Variants in LDHA observed in about 807,000 individuals in gnomAD.
LDHA encodes L-lactate dehydrogenase A chain.
LDHA carries 10 observed loss-of-function variants against 36.3 expected under a neutral mutation model. The observed-to-expected ratio is 0.28, with a 90% CI of 0.17 to 0.47. The LOEUF (loss-of-function observed/expected upper bound fraction) is 0.47, where lower values mean the gene tolerates loss of function less well. Among genes scored for constraint, LDHA ranks in the 20% least tolerant of loss-of-function variants. The pLI, the probability that LDHA is intolerant of heterozygous loss-of-function variation, is 0.99. For missense variants in LDHA, 267 were observed against 405.8 expected, an observed-to-expected ratio of 0.66 and a Z score of 2.94; for synonymous variants, 110 against 136.7, an observed-to-expected ratio of 0.80 and a Z score of 1.36.
At position 18,407,891 on chromosome 11, in the gene LDHA, C is replaced by T; in HGVS notation, c.*610C>T. On this transcript the variant is annotated 3_prime_UTR_variant, in exon 8 of 8. Coordinates refer to ENST00000422447, the MANE Select transcript of LDHA (RefSeq NM_005566.4). ...TATATTAAGATATAAAGTCATAAAG[C>T]TGCTAGTTATTATATTAATTTGGAA... The T allele has an allele frequency of 2.2e-6, 1 of 454,038 alleles. No individual in the cohort carries two copies. The highest frequency in any genetic ancestry group is 4.4e-6 in the Non-Finnish European group (1 of 226,808). 28.1% of individuals were successfully genotyped at this position (454,038 alleles called of 1,614,324 possible). A position where few individuals can be genotyped will look rare whatever the true frequency, so the allele number is the denominator to read the frequency against.
intron 7 of LDHA, among the ~76,000 whole-genome samples, chr11:18,406,312 A>G (rs941282478): frequency 6.7e-6 from 1 of 150,246 alleles, no homozygotes; most frequent in African/African-American, 2.4e-5. Context: ...ACAGTGACTG[A>G]CAGCTGTAAT....
chr11:18,400,888 G>A lies in LDHA; in HGVS notation c.296G>A (p.Arg99His), dbSNP rs1018955701. 20 of 1,613,304 alleles carry A rather than the reference G, an allele frequency of 1.2e-5. No individual in the cohort carries two copies. Among genetic ancestry groups the A allele is most frequent in the Non-Finnish European group, 1.4e-5 (17 of 1,179,660 alleles). The change falls in exon 4 of 8, where the codon CGT becomes CAT. Residue 99 changes from arginine to histidine, a missense_variant. Transcript: ENST00000422447. ...CTGGTCATTATCACGGCTGGGGCAC[G>A]TCAGCAAGAGGGAGAAAGCCGTCTT... ...SKLVIITAGA[R>H]QQEGESRLNL...
chr11:18,398,297 T>C (rs1378836258), intron 2 of LDHA, among the ~76,000 whole-genome samples: 1 of 152,188 alleles, frequency 6.6e-6, no homozygotes, highest in Non-Finnish European at 1.5e-5. Context: ...AACCTATTTA[T>C]CCATAACTGT....
chr11:18,405,339 C>T (rs752376318), intron 6 of LDHA, 110 bp from the exon 7 acceptor site: 39 of 1,089,836 alleles, frequency 3.6e-5, no homozygotes, highest in Non-Finnish European at 5.0e-5. Flanking sequence ...TGGTATAATG[C>T]AACATTGTGG....
In LDHA at chr11:18,396,856, A is replaced by G. The variant is rs771136276; in HGVS notation, c.14A>G (p.Lys5Arg). Residue 5 changes from lysine to arginine, a missense_variant, in exon 2 of 8, where the codon AAG (lysine) becomes AGG (arginine). Coordinates refer to ENST00000422447, the MANE Select transcript of LDHA (RefSeq NM_005566.4). ...TCCAAGTCCAATATGGCAACTCTAA[A>G]GGATCAGCTGATTTATAATCTTCTA... MATL[K>R]DQLIYNLLKE... The G allele has an allele frequency of 6.2e-7, 1 of 1,613,236 alleles. No individual in the cohort carries two copies. Among genetic ancestry groups the G allele is most frequent in the South Asian group, 1.1e-5 (1 of 90,946 alleles).
intron 1 of LDHA, 71 bp from the exon 2 acceptor site, chr11:18,396,748 G>A (rs967005422): frequency 6.9e-7 from 1 of 1,455,152 alleles, no homozygotes; most frequent in East Asian, 2.3e-5. Context: ...AAGTAAAATA[G>A]CTTAAAAAAA....
chr11:18,403,934 T>C, intron 6 of LDHA, 123 bp downstream of exon 6: 1 of 700,318 alleles, frequency 1.4e-6, no homozygotes, highest in Non-Finnish European at 2.5e-6. Context: ...GTGGTTTTTT[T>C]GTTTTGTTTT....
rs1019314698 is a variant in LDHA, at chr11:18,394,573, C to G, written c.-88C>G. Reference sequence around the variant, plus strand: ...CGCGCCCAGCTCAGAGTGCTGCAGCCGCTGCCGCCGATTCCGGATCTCATT... The same window carrying G: ...CGCGCCCAGCTCAGAGTGCTGCAGCGGCTGCCGCCGATTCCGGATCTCATT... On this transcript the variant is annotated 5_prime_UTR_variant, in exon 1 of 8. Transcript: ENST00000422447. The G allele has an allele frequency of 6.6e-6, 3 of 454,126 alleles. No individual in the cohort carries two copies. The Admixed American group carries it at 7.0e-5, about 11-fold the overall frequency. 28.1% of individuals were successfully genotyped at this position (454,126 alleles called of 1,614,324 possible).
chr11:18,396,999 A>C, intron 2 of LDHA, 31 bp downstream of exon 2: 1 of 1,609,684 alleles, frequency 6.2e-7, no homozygotes, highest in Non-Finnish European at 8.5e-7. Context: ...CTGGAAGCCC[A>C]TACCTTGACC....
At chr11:18,401,341 G>A (rs996840750) in intron 4 of LDHA, among the ~76,000 whole-genome samples, 4 of 150,804 alleles carry the variant, frequency 2.7e-5, no homozygotes, top group African/African-American at 9.7e-5. Flanking sequence ...AGTAGAGACA[G>A]GGTTTCACCA....
chr11:18,398,794 T>C (rs1866383363), intron 2 of LDHA: 1 of 157,820 alleles, frequency 6.3e-6, no homozygotes, highest in Non-Finnish European at 1.4e-5. Flanking sequence ...TTTGTATTTT[T>C]TAGTAGAGAC....
At chr11:18,406,913 G>C (rs927920223) in intron 7 of LDHA, among the ~76,000 whole-genome samples, 1 of 151,770 alleles carries the variant, frequency 6.6e-6, no homozygotes, top group African/African-American at 2.4e-5. Context: ...GGCTGAAGCA[G>C]GAGAATTACT....
In LDHA at chr11:18,405,444, T is replaced by C; in HGVS notation, c.711-5T>C. The C allele has an allele frequency of 6.2e-7, 1 of 1,613,006 alleles. No individual in the cohort carries two copies. The highest frequency in any genetic ancestry group is 8.5e-7 in the Non-Finnish European group (1 of 1,179,810). ...TGCCTTTACCTATGGTTTCCTATCA[T>C]ACAGTGCTTATGAGGTGATCAAACT... On this transcript the variant is annotated splice_region_variant and splice_polypyrimidine_tract_variant and intron_variant, in intron 6 of 7. Coordinates refer to ENST00000422447, the MANE Select transcript of LDHA (RefSeq NM_005566.4).
At chr11:18,398,595 A>C (rs1454566787) in intron 2 of LDHA, 2 of 119,762 alleles carry the variant, frequency 1.7e-5, no homozygotes, top group African/African-American at 6.7e-5. Context: ...CATATTGGCC[A>C]GGCTGGTCTT....
At chr11:18,397,973 A>C (rs1249184675) in intron 2 of LDHA, among the ~76,000 whole-genome samples, 1 of 152,174 alleles carries the variant, frequency 6.6e-6, no homozygotes, top group Admixed American at 6.5e-5. Context: ...GTTCTTAGGA[A>C]AGGCCACATA....
At chr11:18,400,137 T>C in intron 3 of LDHA, 1 of 177,358 alleles carries the variant, frequency 5.6e-6, no homozygotes, top group Non-Finnish European at 1.2e-5. Flanking sequence ...TGTTACTTAC[T>C]TGCCCCCACA....
intron 4 of LDHA, among the ~76,000 whole-genome samples, chr11:18,401,495 T>TTTTTA (rs398015444): frequency 7.3e-6 from 1 of 136,122 alleles, no homozygotes; most frequent in Non-Finnish European, 1.6e-5. Flanking sequence ...TTTTTTTTTT[T>TTTTTA]GAGACGGAGT....
Position 18,399,700 on chromosome 11 carries a change from C to CGA in LDHA, c.244+152_244+153insGA, listed in dbSNP as rs1354102175. On this transcript the variant is annotated intron_variant, in intron 3 of 7. Coordinates refer to ENST00000422447, the MANE Select transcript of LDHA (RefSeq NM_005566.4). ...GGCTCAAGCAATCCTCCTTCCACTTCATTACCCCCTCCCCCTCACAAAGAA... is the reference window on the plus strand; with the variant it reads ...GGCTCAAGCAATCCTCCTTCCACTTCGAATTACCCCCTCCCCCTCACAAAGAA... 4.4e-6 allele frequency: 3 copies of CGA among 687,860 alleles called. No individual in the cohort carries two copies. In the African/African-American group the frequency reaches 5.3e-5, roughly 12 times the overall value. 42.6% of individuals were successfully genotyped at this position (687,860 alleles called of 1,614,324 possible).
chr11:18,401,955 C>CTCTTTTTTTTTTTTTTTTT (rs59534512), intron 4 of LDHA, among the ~76,000 whole-genome samples: 39 of 52,254 alleles, frequency 7.5e-4, no homozygotes, highest in Admixed American at 1.2e-3. Context: ...TTGTTATTCT[C>CTCTTTTTTTTTTTTTTTTT]TTTTTTTTTT....
Sources: gnomAD v4.1 joint callset for allele counts (sites outside exome capture counted in the v4.1 genomes callset) on GRCh38, gnomAD v4.1.1 for gene constraint, MANE v1.5 for transcripts, NCBI Gene and HGNC (gene_info 2026-07-23, HGNC 2026-07-21) for gene names.